CADM2: variants seen among roughly 807,000 people sequenced by gnomAD.
CADM2 encodes cell adhesion molecule 2.
CADM2 carries 12 observed loss-of-function variants against 49.8 expected under a neutral mutation model. The ratio of observed to expected loss-of-function variants is 0.24; its 90% CI spans 0.15 to 0.39. The LOEUF (loss-of-function observed/expected upper bound fraction) is 0.39. Ranked by LOEUF, CADM2 falls within the 10% of genes least tolerant of loss-of-function variation. The pLI, the probability that CADM2 is intolerant of heterozygous loss-of-function variation, is 1.00. For synonymous variants in CADM2, 214 were observed against 175.4 expected, an observed-to-expected ratio of 1.22 and a Z score of -1.74; for missense variants, 378 against 492.3, an observed-to-expected ratio of 0.77 and a Z score of 2.20.
rs537932379 is a variant in CADM2, at chr3:85,581,683, C to T, written c.62-144839C>T. Among the ~76,000 whole-genome samples, 15 of 152,170 alleles carry T rather than the reference C, an allele frequency of 9.9e-5. No homozygotes were observed. The South Asian group carries it at 2.7e-3, about 27-fold the overall frequency. On this transcript the variant is annotated intron_variant, in intron 1 of 9. Transcript: ENST00000383699. ...TAATCCCTGAAGCTGAATAAACTTG[C>T]TCATACATGGAAAACTGGGCTATCA...
chr3:85,789,461 C>T (rs1577316156), intron 2 of CADM2, among the ~76,000 whole-genome samples: 1 of 151,908 alleles, frequency 6.6e-6, no homozygotes, highest in Non-Finnish European at 1.5e-5. Flanking sequence ...ATTTTAAAAC[C>T]CTCTTATTCT....
At position 86,068,367 on chromosome 3, in the gene CADM2, A is replaced by G. The variant is rs1381388690; in HGVS notation, c.*1584A>G. On this transcript the variant is annotated 3_prime_UTR_variant, in exon 10 of 10. Coordinates refer to ENST00000383699, the MANE Select transcript of CADM2 (RefSeq NM_001167675.2). ...CATTAAATTTATTATATGCTAAAGA[A>G]TAAAACTCCAGTTAGATTTAAAAAA... 6.6e-6 allele frequency: 1 copy of G among 152,018 alleles called. No homozygotes were observed. The highest frequency in any genetic ancestry group is 1.9e-4 in the East Asian group (1 of 5,198). The allele number at this position is 152,018 out of a possible 1,614,324, so 9.4% of individuals were successfully genotyped here.
At chr3:85,299,379 A>G (rs1006020155) in intron 1 of CADM2, among the ~76,000 whole-genome samples, 2 of 152,216 alleles carry the variant, frequency 1.3e-5, no homozygotes, top group South Asian at 4.1e-4. Flanking sequence ...AGATGGCATC[A>G]TGCAGACATG....
chr3:86,004,124 G>T (rs954258227), intron 8 of CADM2, among the ~76,000 whole-genome samples: 4 of 151,830 alleles, frequency 2.6e-5, no homozygotes, highest in Non-Finnish European at 1.5e-5. Context: ...ATGAGGGATT[G>T]ATGGAGGAGA....
intron 1 of CADM2, among the ~76,000 whole-genome samples, chr3:85,078,169 T>G (rs1434634944): frequency 6.6e-6 from 1 of 151,978 alleles, no homozygotes; most frequent in African/African-American, 2.4e-5. Context: ...CTCTAAGAAT[T>G]TTTGCATTTT....
chr3:85,070,008 A>C lies in CADM2; in HGVS notation c.61+110340A>C, dbSNP rs533379391. On this transcript the variant is annotated intron_variant, in intron 1 of 9. Transcript: ENST00000383699. ...ATCCCTGATAACAGTATTCTAATGC[A>C]ATCACATTCTGTTTTCTGTTCAACT... Among the ~76,000 whole-genome samples the C allele has an allele frequency of 2.0e-5, 3 of 152,304 alleles. No individual in the cohort carries two copies. The South Asian group carries it at 6.2e-4, about 32-fold the overall frequency.
intron 8 of CADM2, among the ~76,000 whole-genome samples, chr3:85,978,868 C>G (rs1450365279): frequency 1.3e-5 from 2 of 151,364 alleles, no homozygotes; most frequent in Non-Finnish European, 3.0e-5. Flanking sequence ...GCATGTCAAA[C>G]TTTTTAAATG....
intron 1 of CADM2, among the ~76,000 whole-genome samples, chr3:85,105,880 T>C (rs1412124855): frequency 2.1e-5 from 3 of 144,376 alleles, no homozygotes; most frequent in African/African-American, 7.8e-5. Context: ...GACTCATAGG[T>C]GGGAATTGAA....
At chr3:85,722,479 A>G (rs562862428) in intron 1 of CADM2, among the ~76,000 whole-genome samples, 3 of 152,322 alleles carry the variant, frequency 2.0e-5, no homozygotes, top group Non-Finnish European at 4.4e-5. Flanking sequence ...AAATATTTCA[A>G]TAAAATTCTA....
chr3:85,147,885 T>A (rs1328934769), intron 1 of CADM2, among the ~76,000 whole-genome samples: 1 of 152,194 alleles, frequency 6.6e-6, no homozygotes. Context: ...AAATATTAAT[T>A]ACTAATTATA....
intron 6 of CADM2, among the ~76,000 whole-genome samples, chr3:85,919,993 T>C (rs1453602038): frequency 6.6e-6 from 1 of 151,898 alleles, no homozygotes; most frequent in African/African-American, 2.4e-5. Flanking sequence ...CTTTTTCACT[T>C]GTAAAAAGTA....
At chr3:85,953,592 C>T (rs1371024427) in intron 7 of CADM2, among the ~76,000 whole-genome samples, 2 of 150,800 alleles carry the variant, frequency 1.3e-5, no homozygotes, top group Admixed American at 1.3e-4. Flanking sequence ...ATGAATCTTT[C>T]TGATGTTTCA....
At chr3:85,485,362 A>G (rs1046057653) in intron 1 of CADM2, among the ~76,000 whole-genome samples, 16 of 152,010 alleles carry the variant, frequency 1.1e-4, no homozygotes, top group African/African-American at 3.4e-4. Context: ...TTAAAAATTC[A>G]TCTTGGAAAA....
At chr3:85,940,042 AG>A (rs1208986404) in intron 7 of CADM2, among the ~76,000 whole-genome samples, 28 of 150,172 alleles carry the variant, frequency 1.9e-4, no homozygotes, top group Middle Eastern at 3.4e-3. Context: ...AACAGACAAA[AG>A]CCTGGGTGCT....
chr3:85,006,380 A>G (rs543683018), intron 1 of CADM2, among the ~76,000 whole-genome samples: 1 of 152,264 alleles, frequency 6.6e-6, no homozygotes, highest in Admixed American at 6.5e-5. Flanking sequence ...CCTGGAGGAA[A>G]ACATTAAGAT....
intron 1 of CADM2, among the ~76,000 whole-genome samples, chr3:85,007,990 C>T (rs2107240205): frequency 6.6e-6 from 1 of 152,158 alleles, no homozygotes; most frequent in South Asian, 2.1e-4. Flanking sequence ...TTGGATGGTC[C>T]AGGAAGAGTT....
chr3:85,735,385 C>T (rs898260001), intron 2 of CADM2, among the ~76,000 whole-genome samples: 3 of 152,102 alleles, frequency 2.0e-5, no homozygotes, highest in Admixed American at 1.3e-4. Context: ...CAATATTCAA[C>T]AGCCCTGTAA....
At chr3:85,294,878 G>A (rs1458313436) in intron 1 of CADM2, among the ~76,000 whole-genome samples, 4 of 152,096 alleles carry the variant, frequency 2.6e-5, no homozygotes, top group African/African-American at 9.7e-5. Context: ...ACATAGGCAT[G>A]GGCAAGGACT....
chr3:86,049,580 C>T (rs934643803), intron 8 of CADM2, among the ~76,000 whole-genome samples: 2 of 151,942 alleles, frequency 1.3e-5, no homozygotes, highest in Non-Finnish European at 2.9e-5. Flanking sequence ...TAATTTATAA[C>T]GAAAAGAGGT....
Sources: allele counts gnomAD v4.1 joint callset (sites outside exome capture counted in the v4.1 genomes callset), GRCh38; gene constraint gnomAD v4.1.1; transcripts MANE v1.5; gene names NCBI Gene and HGNC (gene_info 2026-07-23, HGNC 2026-07-21).